Variants in RNLS observed in about 807,000 individuals in gnomAD.
The protein encoded by RNLS is renalase, FAD dependent amine oxidase.
A neutral mutation model predicts 39.8 loss-of-function variants in RNLS; 39 were observed. The observed-to-expected ratio is 0.98, with a 90% CI of 0.76 to 1.28. The LOEUF is 1.28. Ranked by LOEUF, RNLS falls within the 50% of genes most tolerant of loss-of-function variation. The pLI, the probability that RNLS is intolerant of heterozygous loss-of-function variation, is 0.00. For missense variants in RNLS, 410 were observed against 413.3 expected (o/e 0.99, Z 0.07); for synonymous variants, 147 against 150.7 (o/e 0.98, Z 0.18).
At chr10:88,203,343 T>C in the RNLS span, among the ~76,000 whole-genome samples, 2,691 of 10,264 alleles carry the variant, frequency 0.26, 996 homozygotes, top group Non-Finnish European at 0.32. Context: ...TATACACGTA[T>C]GTGTATATAT....
At chr10:88,218,784 C>A in the RNLS span, among the ~76,000 whole-genome samples, 5 of 152,186 alleles carry the variant, frequency 3.3e-5, no homozygotes, top group Non-Finnish European at 5.9e-5. Flanking sequence ...AGTCAGGAAG[C>A]CTTCCTCTTT....
chr10:88,565,858 T>C (rs1266260125), intron 4 of RNLS, among the ~76,000 whole-genome samples: 2 of 149,714 alleles, frequency 1.3e-5, no homozygotes, highest in African/African-American at 4.9e-5. Flanking sequence ...CAAGCGATTC[T>C]CCTGCCTCAG....
intron 5 of RNLS, among the ~76,000 whole-genome samples, chr10:88,331,748 A>G (rs978282123): frequency 1.3e-5 from 2 of 152,114 alleles, no homozygotes; most frequent in Non-Finnish European, 1.5e-5. Context: ...TCTCCAGTCC[A>G]TTTGGAACTG....
At chr10:88,499,854 G>T (rs1003448043) in intron 4 of RNLS, among the ~76,000 whole-genome samples, 3 of 152,122 alleles carry the variant, frequency 2.0e-5, no homozygotes, top group Non-Finnish European at 4.4e-5. Context: ...GTACATATAA[G>T]AAATAGGCAG....
At chr10:88,413,529 G>A (rs1257529445) in intron 4 of RNLS, among the ~76,000 whole-genome samples, 3 of 152,128 alleles carry the variant, frequency 2.0e-5, no homozygotes, top group Non-Finnish European at 4.4e-5. Context: ...TGGATCTTAC[G>A]TCATCCCTGC....
At chr10:88,357,820 A>G (rs1470832902) in intron 5 of RNLS, among the ~76,000 whole-genome samples, 2 of 152,174 alleles carry the variant, frequency 1.3e-5, no homozygotes, top group African/African-American at 2.4e-5. Flanking sequence ...ATTGATGCCT[A>G]TGAGCACACT....
intron 4 of RNLS, among the ~76,000 whole-genome samples, chr10:88,397,722 A>G (rs1852649301): frequency 6.6e-6 from 1 of 152,046 alleles, no homozygotes; most frequent in African/African-American, 2.4e-5. Flanking sequence ...TTTTGCAGAA[A>G]TTAACAAGCT....
chr10:88,192,983 T>G, the RNLS span, among the ~76,000 whole-genome samples: 3 of 152,344 alleles, frequency 2.0e-5, no homozygotes, highest in South Asian at 6.2e-4. Context: ...ACAACTAACC[T>G]ACCTCCACTC....
At chr10:88,510,716 C>T (rs568408156) in intron 4 of RNLS, among the ~76,000 whole-genome samples, 10 of 151,660 alleles carry the variant, frequency 6.6e-5, no homozygotes, top group South Asian at 2.1e-4. Context: ...TGGTGGTGCG[C>T]GCCTGTAATA....
the RNLS span, among the ~76,000 whole-genome samples, chr10:88,221,074 C>T: frequency 4.6e-5 from 7 of 152,194 alleles, no homozygotes; most frequent in African/African-American, 4.8e-5. Flanking sequence ...TCCTTCAGAC[C>T]GGGAAGCTTT....
chr10:88,211,600 G>A, the RNLS span, among the ~76,000 whole-genome samples: 2 of 152,146 alleles, frequency 1.3e-5, no homozygotes, highest in Non-Finnish European at 2.9e-5. Context: ...GGGAAAAGAC[G>A]GGATAACATG....
chr10:88,397,467 A>T (rs1460663974), intron 4 of RNLS, among the ~76,000 whole-genome samples: 2 of 152,020 alleles, frequency 1.3e-5, no homozygotes, highest in Non-Finnish European at 2.9e-5. Flanking sequence ...GGATGTAGGT[A>T]AGCAGTGCTT....
At chr10:88,256,121 C>T in the RNLS span, among the ~76,000 whole-genome samples, 3 of 152,162 alleles carry the variant, frequency 2.0e-5, no homozygotes, top group African/African-American at 7.2e-5. Context: ...ATACAATAAG[C>T]GTTCCTAGTG....
At chr10:88,517,510 T>C (rs1472886365) in intron 4 of RNLS, among the ~76,000 whole-genome samples, 3 of 151,924 alleles carry the variant, frequency 2.0e-5, no homozygotes, top group Non-Finnish European at 4.4e-5. Flanking sequence ...TGATATTTAT[T>C]TTACATGGTA....
At chr10:88,354,238 A>G (rs556377838) in intron 5 of RNLS, among the ~76,000 whole-genome samples, 5 of 152,266 alleles carry the variant, frequency 3.3e-5, no homozygotes, top group South Asian at 4.1e-4. Context: ...ATTGTTATGT[A>G]TGAATTTGAT....
the RNLS span, among the ~76,000 whole-genome samples, chr10:88,214,172 G>GT: frequency 2.6e-5 from 4 of 152,150 alleles, no homozygotes; most frequent in Non-Finnish European, 5.9e-5. Flanking sequence ...GTTAAAAGAA[G>GT]TAAGTTTCTC....
At chr10:88,495,009 C>T (rs767115226) in intron 4 of RNLS, among the ~76,000 whole-genome samples, 7 of 152,070 alleles carry the variant, frequency 4.6e-5, no homozygotes, top group African/African-American at 9.7e-5. Context: ...CACTTAGATT[C>T]GCCTCTAATT....
chr10:88,251,730 AT>A, the RNLS span, among the ~76,000 whole-genome samples: 2 of 152,272 alleles, frequency 1.3e-5, no homozygotes, highest in Non-Finnish European at 2.9e-5. Context: ...ACATTTTAGT[AT>A]TTAATACCTT....
chr10:88,490,912 T>C (rs1471338742), intron 4 of RNLS, among the ~76,000 whole-genome samples: 2 of 152,176 alleles, frequency 1.3e-5, no homozygotes, highest in African/African-American at 4.8e-5. Context: ...ACATAGACTA[T>C]CAATTTATAT....
Sources: allele counts gnomAD v4.1 joint callset (sites outside exome capture counted in the v4.1 genomes callset), GRCh38; gene constraint gnomAD v4.1.1; transcripts MANE v1.5; gene names NCBI Gene and HGNC (gene_info 2026-07-23, HGNC 2026-07-21).